The following ATP2B2 variants were observed in gnomAD, a reference collection of about 807,000 sequenced individuals.
The protein encoded by ATP2B2 is ATPase plasma membrane Ca2+ transporting 2, also known as plasma membrane calcium-transporting ATPase 2.
A neutral mutation model predicts 120.0 loss-of-function variants in ATP2B2; 15 were observed. The observed-to-expected ratio is 0.12, with a 90% CI of 0.08 to 0.19. The LOEUF (loss-of-function observed/expected upper bound fraction) is 0.19. Ranked by LOEUF, ATP2B2 falls within the 10% of genes least tolerant of loss-of-function variation. The pLI, the probability that ATP2B2 is intolerant of heterozygous loss-of-function variation, is 1.00. For missense variants in ATP2B2, 1,045 were observed against 1,719.8 expected (o/e 0.61, Z 6.94); for synonymous variants, 694 against 700.3 (o/e 0.99, Z 0.14).
chr3:10,666,077 C>A (rs568085100), intron 1 of ATP2B2, among the ~76,000 whole-genome samples: 1 of 152,310 alleles, frequency 6.6e-6, no homozygotes, highest in Admixed American at 6.5e-5. Flanking sequence ...ATCGAGTTCA[C>A]CTGCTTAGAG....
intron 1 of ATP2B2, among the ~76,000 whole-genome samples, chr3:10,663,553 C>T (rs1030006383): frequency 1.3e-5 from 2 of 152,150 alleles, no homozygotes; most frequent in Non-Finnish European, 2.9e-5. Flanking sequence ...CCTAAGGGGC[C>T]CCGCACCAGA....
At chr3:10,659,602 T>G (rs965154385) in intron 1 of ATP2B2, among the ~76,000 whole-genome samples, 1 of 152,142 alleles carries the variant, frequency 6.6e-6, no homozygotes, top group African/African-American at 2.4e-5. Context: ...AAGCAAGTCC[T>G]TAGAGACCTA....
At chr3:10,631,759 A>G (rs537534619) in intron 1 of ATP2B2, among the ~76,000 whole-genome samples, 1 of 152,362 alleles carries the variant, frequency 6.6e-6, no homozygotes, top group South Asian at 2.1e-4. Context: ...CTAAGAAAGA[A>G]AGATCAGAAA....
chr3:10,547,488 C>T (rs2067575372), intron 2 of ATP2B2, among the ~76,000 whole-genome samples: 1 of 152,174 alleles, frequency 6.6e-6, no homozygotes, highest in African/African-American at 2.4e-5. Flanking sequence ...TTCCTAACAA[C>T]AGCAACAACA....
chr3:10,449,256 C>A, intron 2 of ATP2B2, 89 bp downstream of exon 2: 1 of 1,400,450 alleles, frequency 7.1e-7, no homozygotes, highest in Non-Finnish European at 1.0e-6. Flanking sequence ...CACATCCCTG[C>A]TGTTACATAT....
intron 1 of ATP2B2, among the ~76,000 whole-genome samples, chr3:10,686,206 C>T (rs1201352001): frequency 6.6e-6 from 1 of 152,164 alleles, no homozygotes; most frequent in Non-Finnish European, 1.5e-5. Context: ...CTGGGTCACA[C>T]TGTTCCCCAC....
intron 14 of ATP2B2, among the ~76,000 whole-genome samples, chr3:10,356,446 AG>A (rs1266250241): frequency 2.6e-5 from 4 of 152,230 alleles, no homozygotes; most frequent in Non-Finnish European, 5.9e-5. Flanking sequence ...AACAGAAAAT[AG>A]GTAAGTGCAT....
intron 14 of ATP2B2, among the ~76,000 whole-genome samples, chr3:10,357,116 G>C (rs145889569): frequency 1.4e-4 from 22 of 152,288 alleles, no homozygotes; most frequent in African/African-American, 5.1e-4. Context: ...GGGCTGTTAC[G>C]TGTCCCTGGA....
chr3:10,699,549 CT>C (rs1369668400), intron 1 of ATP2B2, among the ~76,000 whole-genome samples: 1 of 152,072 alleles, frequency 6.6e-6, no homozygotes, highest in African/African-American at 2.4e-5. Flanking sequence ...TAGAGTTTTA[CT>C]TTCTTTTTTG....
At chr3:10,386,617 C>T (rs968116273) in intron 6 of ATP2B2, 105 bp from the exon 7 acceptor site, 1 of 1,228,732 alleles carries the variant, frequency 8.1e-7, no homozygotes, top group Middle Eastern at 1.9e-4. Flanking sequence ...ACACACATGG[C>T]CATACACCTA....
chr3:10,409,323 G>C (rs1006385022), intron 3 of ATP2B2, among the ~76,000 whole-genome samples: 7 of 152,094 alleles, frequency 4.6e-5, no homozygotes, highest in Non-Finnish European at 1.0e-4. Context: ...TTGATAATTT[G>C]AGCTATGCAA....
At chr3:10,599,836 A>G (rs1305768099) in intron 2 of ATP2B2, among the ~76,000 whole-genome samples, 1 of 151,898 alleles carries the variant, frequency 6.6e-6, no homozygotes, top group Non-Finnish European at 1.5e-5. Flanking sequence ...CAAGAATTCA[A>G]ATGGATAAAC....
intron 1 of ATP2B2, among the ~76,000 whole-genome samples, chr3:10,688,006 T>C (rs2071565220): frequency 6.6e-6 from 1 of 152,210 alleles, no homozygotes; most frequent in African/African-American, 2.4e-5. Context: ...TGATATTATA[T>C]ATATAAAATA....
intron 3 of ATP2B2, among the ~76,000 whole-genome samples, chr3:10,516,895 A>G (rs2066886395): frequency 6.6e-6 from 1 of 152,144 alleles, no homozygotes; most frequent in Non-Finnish European, 1.5e-5. Flanking sequence ...TGCTGATTGT[A>G]AAGTGTCATG....
chr3:10,327,075 T>C lies in ATP2B2; in HGVS notation c.*1739A>G, dbSNP rs2059870932. ...ACAAGTTTATGGAAAAAAGATCATATGCTGAAAAGTCTCAAAGCAAACTTT... is the reference window on the plus strand; with the variant it reads ...ACAAGTTTATGGAAAAAAGATCATACGCTGAAAAGTCTCAAAGCAAACTTT... On this transcript the variant is annotated 3_prime_UTR_variant, in exon 23 of 23. Coordinates refer to ENST00000360273, the MANE Select transcript of ATP2B2 (RefSeq NM_001001331.4). 2.6e-6 allele frequency: 1 copy of C among 387,346 alleles called. No homozygotes were observed. The highest frequency in any genetic ancestry group is 2.1e-5 in the African/African-American group (1 of 48,462). 24.0% of individuals were successfully genotyped at this position (387,346 alleles called of 1,614,324 possible).
intron 3 of ATP2B2, among the ~76,000 whole-genome samples, chr3:10,527,450 C>T (rs375608852): frequency 2.0e-5 from 3 of 152,192 alleles, no homozygotes; most frequent in Admixed American, 2.0e-4. Flanking sequence ...CGCTCTTGTA[C>T]TCTTTCACCG....
At chr3:10,381,208 T>C (rs969847907) in intron 8 of ATP2B2, among the ~76,000 whole-genome samples, 33 of 152,258 alleles carry the variant, frequency 2.2e-4, no homozygotes, top group African/African-American at 8.0e-4. Context: ...TTGCCCATCC[T>C]GGGCTTTAAA....
intron 2 of ATP2B2, among the ~76,000 whole-genome samples, chr3:10,578,666 C>A (rs1474248125): frequency 6.6e-6 from 1 of 152,126 alleles, no homozygotes; most frequent in African/African-American, 2.4e-5. Flanking sequence ...CAAATGCCCA[C>A]CCACAAGAGA....
chr3:10,355,487 C>T (rs2060689802), intron 14 of ATP2B2, among the ~76,000 whole-genome samples: 1 of 152,186 alleles, frequency 6.6e-6, no homozygotes. Context: ...AACTATCGCT[C>T]TCTCTGGGGA....
Sources: allele counts gnomAD v4.1 joint callset (sites outside exome capture counted in the v4.1 genomes callset), GRCh38; gene constraint gnomAD v4.1.1; transcripts MANE v1.5; gene names NCBI Gene and HGNC (gene_info 2026-07-23, HGNC 2026-07-21).